The following CCDC171 variants were observed in gnomAD, a reference collection of about 807,000 sequenced individuals.
CCDC171 encodes the protein coiled-coil domain-containing protein 171.
A neutral mutation model predicts 168.2 loss-of-function variants in CCDC171; 177 were observed. That is an observed-to-expected ratio of 1.05 (90% CI 0.93 to 1.19). CCDC171 has a LOEUF of 1.19. CCDC171 is among the 50% of genes most tolerant of loss of function. The pLI, the probability that CCDC171 is intolerant of heterozygous loss-of-function variation, is 0.00. For synonymous variants in CCDC171, 687 were observed against 540.8 expected (o/e 1.27, Z -3.75); for missense variants, 1,991 against 1,539.0 (o/e 1.29, Z -4.91).
rs572092820 is a variant in CCDC171 at position 15,729,714 on chromosome 9, C to T, written c.1965C>T (p.Ala655=). The change falls in exon 16 of 26, where the codon GCC becomes GCT. Residue 655 remains alanine, a synonymous_variant. Transcript: ENST00000380701. The part of the protein sequence containing the change: ...TFTKVAEQIK[A]QESCWHRQKK... ...CCAAAGTGGCAGAACAGATCAAAGCCCAAGAGAGCTGCTGGCACAGACAAA... is the reference window on the plus strand; with the variant it reads ...CCAAAGTGGCAGAACAGATCAAAGCTCAAGAGAGCTGCTGGCACAGACAAA... The T allele has an allele frequency of 1.1e-5, 17 of 1,613,416 alleles. No homozygotes were observed. The South Asian group carries it at 1.5e-4, about 15-fold the overall frequency.
At chr9:16,004,652 A>G (rs1832646552) in intron 3 of CCDC171, among the ~76,000 whole-genome samples, 1 of 152,138 alleles carries the variant, frequency 6.6e-6, no homozygotes, top group Non-Finnish European at 1.5e-5. Flanking sequence ...TGCCTTACTG[A>G]GCCACCGCCA....
chr9:15,591,908 C>T (rs1427121233), intron 5 of CCDC171, among the ~76,000 whole-genome samples: 1 of 152,088 alleles, frequency 6.6e-6, no homozygotes, highest in African/African-American at 2.4e-5. Flanking sequence ...TCTGAATATA[C>T]AATAAATATA....
intron 21 of CCDC171, among the ~76,000 whole-genome samples, chr9:15,792,872 C>A (rs2058339856): frequency 6.6e-6 from 1 of 152,002 alleles, no homozygotes; most frequent in Admixed American, 6.6e-5. Flanking sequence ...CAAAAACATG[C>A]CAAATTGTAA....
Position 15,557,579 on chromosome 9 carries a change from A to G in CCDC171, c.-112+4277A>G, listed in dbSNP as rs201686145. 5.8e-4 allele frequency among the ~76,000 whole-genome samples: 89 copies of G among 152,272 alleles called. 1 individual carries two copies. The East Asian group carries it at 0.015, about 26-fold the overall frequency. ...ATAAGAATGCTTGTGATTTTTGCAC[A>G]TTGATTTTGTATCCTGAGACTTTGC... On this transcript the variant is annotated intron_variant, in intron 1 of 25. Transcript: ENST00000380701.
chr9:15,640,669 ATAT>A (rs2046538658), intron 7 of CCDC171, among the ~76,000 whole-genome samples: 1 of 152,162 alleles, frequency 6.6e-6, no homozygotes, highest in Non-Finnish European at 1.5e-5. Context: ...TAATTGAATA[ATAT>A]TATTGTTTCT....
At chr9:16,027,077 G>A (rs1293992654) in intron 6 of CCDC171, among the ~76,000 whole-genome samples, 1 of 152,136 alleles carries the variant, frequency 6.6e-6, no homozygotes, top group African/African-American at 2.4e-5. Flanking sequence ...TAGTTTGGTG[G>A]TTTCTCAGCC....
Position 15,601,133 on chromosome 9 carries a change from C to G in CCDC171, c.675+6961C>G, listed in dbSNP as rs536916121. Among the ~76,000 whole-genome samples the G allele has an allele frequency of 2.2e-4, 34 of 152,166 alleles. 1 individual carries two copies. Among genetic ancestry groups the G allele is most frequent in the Non-Finnish European group, 4.3e-4 (29 of 68,036 alleles). On this transcript the variant is annotated intron_variant, in intron 6 of 25. Coordinates refer to ENST00000380701, the MANE Select transcript of CCDC171 (RefSeq NM_173550.4). Reference sequence around the variant, plus strand: ...TTCGACTCACGCTCAGTGCACTGCACCCACTGTCCTGCACCCACTCTCTGA... The same window carrying G: ...TTCGACTCACGCTCAGTGCACTGCAGCCACTGTCCTGCACCCACTCTCTGA...
At chr9:15,644,733 A>C (rs558461884) in intron 7 of CCDC171, among the ~76,000 whole-genome samples, 1 of 152,344 alleles carries the variant, frequency 6.6e-6, no homozygotes, top group South Asian at 2.1e-4. Flanking sequence ...GTAGGTAAAC[A>C]AAGTGGCAGG....
At chr9:15,952,641 C>A (rs966486730) in intron 25 of CCDC171, among the ~76,000 whole-genome samples, 1 of 152,150 alleles carries the variant, frequency 6.6e-6, no homozygotes, top group African/African-American at 2.4e-5. Context: ...AGGTGATCCA[C>A]CTGCCTTGGC....
At chr9:16,095,869 C>CATATATATATATATATATAT in the CCDC171 span, among the ~76,000 whole-genome samples, 197 of 123,780 alleles carry the variant, frequency 1.6e-3, 2 homozygotes, top group Middle Eastern at 4.4e-3. Flanking sequence ...CACATAGGCA[C>CATATATATATATATATATAT]ATATATATAT....
chr9:15,735,510 C>A (rs2054435843), intron 16 of CCDC171, among the ~76,000 whole-genome samples: 1 of 152,116 alleles, frequency 6.6e-6, no homozygotes. Context: ...ATTTATTTGA[C>A]ATTTTAGTAA....
chr9:15,872,321 C>G (rs1451545501), intron 23 of CCDC171, among the ~76,000 whole-genome samples: 1 of 151,838 alleles, frequency 6.6e-6, no homozygotes, highest in Non-Finnish European at 1.5e-5. Context: ...GTTTCAAAAG[C>G]AAGATGCCAC....
At chr9:15,801,749 G>A (rs890668752) in intron 21 of CCDC171, among the ~76,000 whole-genome samples, 2 of 151,984 alleles carry the variant, frequency 1.3e-5, no homozygotes, top group African/African-American at 4.8e-5. Flanking sequence ...TACTAGCTGT[G>A]GGTCTGTCAT....
At chr9:15,604,807 A>G (rs1205598799) in intron 6 of CCDC171, among the ~76,000 whole-genome samples, 8 of 152,246 alleles carry the variant, frequency 5.3e-5, no homozygotes, top group African/African-American at 1.7e-4. Context: ...GTGAAAAGAA[A>G]GTGTTTTTAG....
chr9:16,044,482 GA>G (rs33969500), intron 1 of CCDC171, among the ~76,000 whole-genome samples: 2 of 146,246 alleles, frequency 1.4e-5, no homozygotes, highest in African/African-American at 2.5e-5. Flanking sequence ...AACCACAGGA[GA>G]AAAAAAAAGA....
intron 11 of CCDC171, among the ~76,000 whole-genome samples, chr9:15,696,432 A>T (rs2051220755): frequency 6.6e-6 from 1 of 152,232 alleles, no homozygotes; most frequent in Non-Finnish European, 1.5e-5. Flanking sequence ...TCCCAAAAGC[A>T]TTACTGTATC....
chr9:16,070,894 T>A, the CCDC171 span, among the ~76,000 whole-genome samples: 2 of 152,104 alleles, frequency 1.3e-5, no homozygotes, highest in Admixed American at 1.3e-4. Context: ...GCTTAGTTAG[T>A]GTAGGTTTGG....
chr9:16,085,820 A>T, the CCDC171 span, among the ~76,000 whole-genome samples: 6 of 152,238 alleles, frequency 3.9e-5, no homozygotes, highest in African/African-American at 1.4e-4. Context: ...GATTATCACA[A>T]ATATAATAGA....
chr9:15,569,489 GA>G (rs1381192571), intron 2 of CCDC171, among the ~76,000 whole-genome samples: 1 of 151,922 alleles, frequency 6.6e-6, no homozygotes, highest in African/African-American at 2.4e-5. Flanking sequence ...TTTAGATTTT[GA>G]ACTTCTTGGA....
Sources: allele counts gnomAD v4.1 joint callset (sites outside exome capture counted in the v4.1 genomes callset), GRCh38; gene constraint gnomAD v4.1.1; transcripts MANE v1.5; gene names NCBI Gene and HGNC (gene_info 2026-07-23, HGNC 2026-07-21).